Variants in NELL1 observed in about 807,000 individuals in gnomAD.
The protein encoded by NELL1 is protein kinase C-binding protein NELL1.
NELL1 carries 76 observed loss-of-function variants against 107.4 expected under a neutral mutation model. The ratio of observed to expected loss-of-function variants is 0.71; its 90% CI spans 0.59 to 0.86. The LOEUF (loss-of-function observed/expected upper bound fraction) is 0.86, where lower values mean the gene tolerates loss of function less well. Ranked by LOEUF, NELL1 falls within the 40% of genes least tolerant of loss-of-function variation. The probability of loss-of-function intolerance (pLI) is 0.00; values close to 1 mark genes in which losing one functional copy is unlikely to be tolerated. For missense variants in NELL1, 1,024 were observed against 1,005.5 expected (o/e 1.02, Z -0.25); for synonymous variants, 353 against 341.2 (o/e 1.03, Z -0.38).
intron 1 of NELL1, among the ~76,000 whole-genome samples, chr11:20,673,322 A>T (rs1220130711): frequency 6.6e-6 from 1 of 152,198 alleles, no homozygotes; most frequent in African/African-American, 2.4e-5. Context: ...CTTTTGGGGT[A>T]TTAAGGACCT....
At chr11:21,051,149 A>G (rs1235229467) in intron 12 of NELL1, among the ~76,000 whole-genome samples, 2 of 152,178 alleles carry the variant, frequency 1.3e-5, no homozygotes, top group East Asian at 3.8e-4. Flanking sequence ...CCCCTTAATC[A>G]ACTAGTAGAT....
intron 3 of NELL1, among the ~76,000 whole-genome samples, chr11:20,790,503 C>A (rs1414242756): frequency 6.6e-6 from 1 of 152,224 alleles, no homozygotes; most frequent in African/African-American, 2.4e-5. Flanking sequence ...GGGTCCTTCC[C>A]AGGTCTCCAA....
chr11:20,825,795 G>T (rs191351345), intron 3 of NELL1, among the ~76,000 whole-genome samples: 5 of 151,348 alleles, frequency 3.3e-5, no homozygotes, highest in Admixed American at 2.6e-4. Flanking sequence ...TGTTGGGAAG[G>T]CATATTTGTG....
chr11:21,267,699 A>T (rs1848662388), intron 14 of NELL1, among the ~76,000 whole-genome samples: 1 of 151,766 alleles, frequency 6.6e-6, no homozygotes. Context: ...TATTTTATAT[A>T]CTCTTTTGTA....
intron 13 of NELL1, among the ~76,000 whole-genome samples, chr11:21,216,887 T>C (rs1270959631): frequency 6.6e-6 from 1 of 152,130 alleles, no homozygotes; most frequent in East Asian, 1.9e-4. Flanking sequence ...CAAGGCATGA[T>C]TGTATTTTGA....
chr11:21,113,303 A>C (rs1318612229), intron 12 of NELL1, among the ~76,000 whole-genome samples: 1 of 151,994 alleles, frequency 6.6e-6, no homozygotes, highest in African/African-American at 2.4e-5. Flanking sequence ...GACATTTAAA[A>C]AGAGTATTCT....
At chr11:21,002,358 C>T (rs1473164812) in intron 12 of NELL1, among the ~76,000 whole-genome samples, 3 of 101,624 alleles carry the variant, frequency 3.0e-5, no homozygotes, top group East Asian at 2.0e-4. Flanking sequence ...CTGACTATTC[C>T]GTCTTTGGTA....
intron 13 of NELL1, among the ~76,000 whole-genome samples, chr11:21,204,284 A>G (rs763909507): frequency 2.0e-5 from 3 of 151,902 alleles, no homozygotes; most frequent in Non-Finnish European, 4.4e-5. Flanking sequence ...ACAGTCCCGT[A>G]TTTCTTGGAG....
At chr11:20,675,914 A>AT in intron 1 of NELL1, among the ~76,000 whole-genome samples, 1 of 151,838 alleles carries the variant, frequency 6.6e-6, no homozygotes. Context: ...TGCCCGGCTA[A>AT]TTTTTTGATC....
intron 15 of NELL1, among the ~76,000 whole-genome samples, chr11:21,515,942 G>T (rs1018438255): frequency 4.6e-5 from 7 of 152,140 alleles, no homozygotes; most frequent in African/African-American, 1.4e-4. Context: ...CAATGCTGTT[G>T]CTTCTCAGTA....
chr11:21,302,486 G>A (rs922630927), intron 14 of NELL1, among the ~76,000 whole-genome samples: 2 of 151,922 alleles, frequency 1.3e-5, no homozygotes, highest in Admixed American at 6.6e-5. Context: ...AATTCATATG[G>A]CCAGTTATGA....
intron 14 of NELL1, among the ~76,000 whole-genome samples, chr11:21,271,224 A>G (rs992558084): frequency 5.3e-5 from 8 of 152,276 alleles, no homozygotes; most frequent in African/African-American, 1.9e-4. Context: ...TGAAAAGATC[A>G]ACAAAATTGA....
At position 20,907,599 on chromosome 11, in the gene NELL1, G is replaced by A. The variant is rs923726358; in HGVS notation, c.604-10583G>A. 5.3e-5 allele frequency among the ~76,000 whole-genome samples: 8 copies of A among 152,094 alleles called. No individual in the cohort carries two copies. The East Asian group carries it at 1.5e-3, about 29-fold the overall frequency. On this transcript the variant is annotated intron_variant, in intron 5 of 19. Coordinates refer to ENST00000357134, the MANE Select transcript of NELL1 (RefSeq NM_006157.5). ...AGAAAATAAGGGGAAAATAAGTGTTGGTGAGGTTGTGGAAAATTTGGAACT... is the reference window on the plus strand; with the variant it reads ...AGAAAATAAGGGGAAAATAAGTGTTAGTGAGGTTGTGGAAAATTTGGAACT...
intron 15 of NELL1, among the ~76,000 whole-genome samples, chr11:21,389,022 A>G (rs982546585): frequency 5.9e-5 from 9 of 151,828 alleles, no homozygotes; most frequent in Admixed American, 4.6e-4. Context: ...TCGTATTTTC[A>G]TGTTTTAATA....
At chr11:21,345,828 G>C (rs1367800409) in intron 14 of NELL1, among the ~76,000 whole-genome samples, 1 of 152,092 alleles carries the variant, frequency 6.6e-6, no homozygotes, top group Non-Finnish European at 1.5e-5. Flanking sequence ...ACAGCCTTAT[G>C]TATGAGATCT....
chr11:21,499,766 C>T (rs942432615), intron 15 of NELL1, among the ~76,000 whole-genome samples: 1 of 152,108 alleles, frequency 6.6e-6, no homozygotes, highest in Non-Finnish European at 1.5e-5. Context: ...AGGTCATTTT[C>T]ACAGGTTTAG....
At chr11:21,059,758 A>G (rs966601670) in intron 12 of NELL1, among the ~76,000 whole-genome samples, 1 of 152,154 alleles carries the variant, frequency 6.6e-6, no homozygotes, top group African/African-American at 2.4e-5. Context: ...TCGCTACTGC[A>G]TCTTCCTTTG....
chr11:20,680,084 C>T (rs954099087), intron 2 of NELL1, among the ~76,000 whole-genome samples: 2 of 152,192 alleles, frequency 1.3e-5, no homozygotes, highest in South Asian at 2.1e-4. Context: ...ACAGAGAAGG[C>T]CTTTCGCTTA....
intron 2 of NELL1, among the ~76,000 whole-genome samples, chr11:20,681,360 C>A (rs1854186463): frequency 6.6e-6 from 1 of 152,120 alleles, no homozygotes. Flanking sequence ...AACTACAGGA[C>A]AAAATGCAGA....
Sources: gnomAD v4.1 joint callset for allele counts (sites outside exome capture counted in the v4.1 genomes callset) on GRCh38, gnomAD v4.1.1 for gene constraint, MANE v1.5 for transcripts, NCBI Gene and HGNC (gene_info 2026-07-23, HGNC 2026-07-21) for gene names.